Variants in PCDHGB4 observed in about 807,000 individuals in gnomAD.
PCDHGB4 encodes protocadherin gamma-B4.
PCDHGB4 carries 38 observed loss-of-function variants against 60.5 expected under a neutral mutation model. The observed-to-expected ratio is 0.63, with a 90% CI of 0.48 to 0.82. PCDHGB4 has a LOEUF of 0.82. Ranked by LOEUF, PCDHGB4 falls within the 40% of genes least tolerant of loss-of-function variation. The probability of loss-of-function intolerance (pLI) is 0.00; values close to 1 mark genes in which losing one functional copy is unlikely to be tolerated. For synonymous variants in PCDHGB4, 456 were observed against 509.7 expected (o/e 0.89, Z 1.42); for missense variants, 1,109 against 1,209.6 (o/e 0.92, Z 1.23).
chr5:141,447,681 C>T (rs2098548531), intron 1 of PCDHGB4, among the ~76,000 whole-genome samples: 1 of 152,066 alleles, frequency 6.6e-6, no homozygotes, highest in African/African-American at 2.4e-5. Flanking sequence ...TGTTCCATAT[C>T]TTGATAGAGG....
At chr5:141,408,990 AAGTGAC>A (rs769374488) in intron 1 of PCDHGB4, 2 of 1,613,984 alleles carry the variant, frequency 1.2e-6, no homozygotes, top group Non-Finnish European at 1.7e-6. Flanking sequence ...CCTGTGTTGC[AAGTGAC>A]AGCCACTGAC....
Position 141,485,411 on chromosome 5 carries a change from G to C in PCDHGB4, c.2398-9396G>C, listed in dbSNP as rs1412397411. On this transcript the variant is annotated intron_variant, in intron 1 of 3. Coordinates refer to ENST00000519479, the MANE Select transcript of PCDHGB4 (RefSeq NM_003736.4). This position sits in a 1 kb window ranked among gnomAD's most constrained non-coding sequence, Gnocchi z 5.7. The stretch of plus-strand genomic sequence containing the variant: ...CCAAAGACACTTCCGTGTGGATTTG[G>C]ACAGCGGAGCCCTGCTCATCAAGAA... The C allele has an allele frequency of 2.5e-6, 4 of 1,614,054 alleles. No homozygotes were observed. Among genetic ancestry groups the C allele is most frequent in the Non-Finnish European group, 3.4e-6 (4 of 1,180,044 alleles).
chr5:141,418,647 G>C, intron 1 of PCDHGB4: 1 of 1,614,034 alleles, frequency 6.2e-7, no homozygotes, highest in Non-Finnish European at 8.5e-7. Flanking sequence ...TCCATCCTGA[G>C]AGTGAAGGCC....
At position 141,389,685 on chromosome 5, in the gene PCDHGB4, TG is replaced by T. The variant is rs1303219922; in HGVS notation, c.1803del (p.Trp601CysfsTer30). 1.8e-5 allele frequency: 29 copies of T among 1,612,354 alleles called. No homozygotes were observed. In the East Asian group the frequency reaches 6.2e-4, roughly 35 times the overall value. On this transcript the variant is annotated frameshift_variant, in exon 1 of 4. Coordinates refer to ENST00000519479, the MANE Select transcript of PCDHGB4 (RefSeq NM_003736.4). LOFTEE classifies it high-confidence loss of function. ...GGACGCAGACTCAGGACACAACGCC[TG>T]GCTGTCCTACCACGTGCTGCAGGCT... ...AVDADSGHNA[W>X]LSYHVLQASE...
rs1561663429 is a variant in PCDHGB4 at position 141,398,237 on chromosome 5, T to C, written c.2397+7956T>C. 4.1e-6 allele frequency: 6 copies of C among 1,479,416 alleles called. No homozygotes were observed. In the African/African-American group the frequency reaches 8.6e-5, roughly 21 times the overall value. The allele number at this position is 1,479,416 out of a possible 1,614,324, so 91.6% of individuals were successfully genotyped here. ...CTCTGTGAGCAGATCCGCTACAGGA[T>C]TCCCGAGGAAATGCCCAAGGGCTCC... On this transcript the variant is annotated intron_variant, in intron 1 of 3. Transcript: ENST00000519479.
At position 141,477,100 on chromosome 5, in the gene PCDHGB4, C is replaced by A. The variant is rs970613825; in HGVS notation, c.2398-17707C>A. On this transcript the variant is annotated intron_variant, in intron 1 of 3. Transcript: ENST00000519479. This position sits in a 1 kb window ranked among gnomAD's most constrained non-coding sequence, Gnocchi z 4.9. ...TTTACATCCAGGCCAAAGACAAGGGCGCCAATCCCGAAGGAGCACATTGCA... is the reference window on the plus strand; with the variant it reads ...TTTACATCCAGGCCAAAGACAAGGGAGCCAATCCCGAAGGAGCACATTGCA... 1 of 1,614,216 alleles carries A rather than the reference C, an allele frequency of 6.2e-7. No homozygotes were observed. Among genetic ancestry groups the A allele is most frequent in the Non-Finnish European group, 8.5e-7 (1 of 1,180,040 alleles).
chr5:141,431,093 G>A lies in PCDHGB4; in HGVS notation c.2397+40812G>A. 6.2e-7 allele frequency: 1 copy of A among 1,614,250 alleles called. No individual in the cohort carries two copies. The highest frequency in any genetic ancestry group is 8.5e-7 in the Non-Finnish European group (1 of 1,180,032). On this transcript the variant is annotated intron_variant, in intron 1 of 3. Transcript: ENST00000519479. The surrounding 1 kb of genome is among the most constrained non-coding windows in gnomAD (Gnocchi z 4.8). Reference sequence around the variant, plus strand: ...ATTAAATCTAGACATTCTGATGGAGGATAAAGTGAAAATATATGGAGTAGA... The same window carrying A: ...ATTAAATCTAGACATTCTGATGGAGAATAAAGTGAAAATATATGGAGTAGA...
rs1227250624 is a variant in PCDHGB4, at chr5:141,409,019, G to A, written c.2397+18738G>A. 4 of 1,613,996 alleles carry A rather than the reference G, an allele frequency of 2.5e-6. 1 individual carries two copies. Among genetic ancestry groups the A allele is most frequent in the Middle Eastern group, 3.3e-4 (2 of 6,062 alleles). On this transcript the variant is annotated intron_variant, in intron 1 of 3. Coordinates refer to ENST00000519479, the MANE Select transcript of PCDHGB4 (RefSeq NM_003736.4). ...GACAGCCACTGACCAGGATGAGGGG[G>A]TCAATGCTGAGATAAACTACTACTT...
Position 141,476,966 on chromosome 5 carries a change from G to T in PCDHGB4, c.2398-17841G>T, listed in dbSNP as rs780645226. The T allele has an allele frequency of 6.2e-7, 1 of 1,614,152 alleles. No homozygotes were observed. Among genetic ancestry groups the T allele is most frequent in the Admixed American group, 1.7e-5 (1 of 60,032 alleles). On this transcript the variant is annotated intron_variant, in intron 1 of 3. Coordinates refer to ENST00000519479, the MANE Select transcript of PCDHGB4 (RefSeq NM_003736.4). The surrounding 1 kb of genome is among the most constrained non-coding windows in gnomAD (Gnocchi z 7.6). Reference sequence around the variant, plus strand: ...CAACGGTGAAATTATTTACTCCTTCGGCAGCCACAACCGCGCCGGCGTGCG... The same window carrying T: ...CAACGGTGAAATTATTTACTCCTTCTGCAGCCACAACCGCGCCGGCGTGCG...
At position 141,491,151 on chromosome 5, in the gene PCDHGB4, T is replaced by C. The variant is rs1283775894; in HGVS notation, c.2398-3656T>C. The C allele has an allele frequency of 6.2e-7, 1 of 1,614,150 alleles. No individual in the cohort carries two copies. On this transcript the variant is annotated intron_variant, in intron 1 of 3. Transcript: ENST00000519479. The surrounding 1 kb of genome is among the most constrained non-coding windows in gnomAD (Gnocchi z 6.9). ...GCACAGCCCGGGCCTTACTGGAGGA[T>C]GACTCTGACACCCAGCAGGTGGTGG...
chr5:141,489,375 G>T lies in PCDHGB4; in HGVS notation c.2398-5432G>T. 6.2e-7 allele frequency: 1 copy of T among 1,613,826 alleles called. No homozygotes were observed. Among genetic ancestry groups the T allele is most frequent in the Non-Finnish European group, 8.5e-7 (1 of 1,179,724 alleles). On this transcript the variant is annotated intron_variant, in intron 1 of 3. Transcript: ENST00000519479. This position sits in a 1 kb window ranked among gnomAD's most constrained non-coding sequence, Gnocchi z 4.5. ...AGGAGTCTGAGCCGGGGACGCTGGT[G>T]GGGAATGTTGCTCAGGATCTGGGCT...
intron 1 of PCDHGB4, chr5:141,404,337 C>CG (rs1376523964): frequency 1.9e-6 from 3 of 1,613,784 alleles, no homozygotes; most frequent in Non-Finnish European, 2.5e-6. Context: ...GTCTACCTCC[C>CG]GGAAAACAAC....
intron 1 of PCDHGB4, among the ~76,000 whole-genome samples, chr5:141,462,783 T>C (rs1313584666): frequency 6.6e-6 from 1 of 152,236 alleles, no homozygotes; most frequent in Non-Finnish European, 1.5e-5. Flanking sequence ...CATAATTTGT[T>C]GCTTATTTGC....
At chr5:141,430,331 T>C (rs1266364984) in intron 1 of PCDHGB4, among the ~76,000 whole-genome samples, 2 of 150,984 alleles carry the variant, frequency 1.3e-5, no homozygotes, top group Non-Finnish European at 2.9e-5. Context: ...TCATTGTTTA[T>C]AGAAACTTCC....
At chr5:141,446,621 C>T (rs1284919173) in intron 1 of PCDHGB4, among the ~76,000 whole-genome samples, 2 of 152,094 alleles carry the variant, frequency 1.3e-5, no homozygotes, top group Non-Finnish European at 2.9e-5. Flanking sequence ...GGACTACAGG[C>T]GTGCACCACC....
Position 141,491,913 on chromosome 5 carries a change from T to C in PCDHGB4, c.2398-2894T>C, listed in dbSNP as rs2099735120. 2.1e-6 allele frequency: 3 copies of C among 1,398,206 alleles called. No homozygotes were observed. Among genetic ancestry groups the C allele is most frequent in the Non-Finnish European group, 2.9e-6 (3 of 1,051,918 alleles). The allele number at this position is 1,398,206 out of a possible 1,614,324, so 86.6% of individuals were successfully genotyped here. On this transcript the variant is annotated intron_variant, in intron 1 of 3. Coordinates refer to ENST00000519479, the MANE Select transcript of PCDHGB4 (RefSeq NM_003736.4). The surrounding 1 kb of genome is among the most constrained non-coding windows in gnomAD (Gnocchi z 6.9). ...TCCGAGCACCGGGGGTGGTGGCGAC[T>C]GTGGGCGAGGGGAGGTGGGACCGAC... is the stretch of plus-strand genomic sequence containing the variant.
chr5:141,436,958 G>C (rs2097855854), intron 1 of PCDHGB4, among the ~76,000 whole-genome samples: 1 of 152,124 alleles, frequency 6.6e-6, no homozygotes, highest in Non-Finnish European at 1.5e-5. Context: ...ATCTAAACAA[G>C]GATCTTGTGA....
chr5:141,421,847 C>G, intron 1 of PCDHGB4: 1 of 1,613,752 alleles, frequency 6.2e-7, no homozygotes, highest in Non-Finnish European at 8.5e-7. Flanking sequence ...GAGAAAGAGG[C>G]TGCTCACCTG....
At chr5:141,419,464 C>T (rs199965876) in intron 1 of PCDHGB4, 35 of 1,612,542 alleles carry the variant, frequency 2.2e-5, no homozygotes, top group Middle Eastern at 1.7e-4. Context: ...TGCAGGCCCG[C>T]GACCAGGGCT....
Sources: allele counts gnomAD v4.1 joint callset (sites outside exome capture counted in the v4.1 genomes callset), GRCh38; gene constraint gnomAD v4.1.1; non-coding constraint Gnocchi (gnomAD v3.1); transcripts MANE v1.5; gene names NCBI Gene and HGNC (gene_info 2026-07-23, HGNC 2026-07-21).